Variants in RB1CC1 observed in about 807,000 individuals in gnomAD.
RB1CC1 encodes RB1 inducible coiled-coil 1, also known as RB1-inducible coiled-coil protein 1.
RB1CC1 carries 46 observed loss-of-function variants against 177.5 expected under a neutral mutation model. The ratio of observed to expected loss-of-function variants is 0.26; its 90% CI spans 0.20 to 0.33. The LOEUF is 0.33. Among genes scored for constraint, RB1CC1 ranks in the 10% least tolerant of loss-of-function variants. RB1CC1 has a pLI of 1.00. For missense variants in RB1CC1, 1,703 were observed against 1,816.3 expected (o/e 0.94, Z 1.13); for synonymous variants, 666 against 613.6 (o/e 1.09, Z -1.26).
In RB1CC1 at chr8:52,642,515, C is replaced by T. The variant is rs941384731; in HGVS notation, c.4173G>A (p.Lys1391=). ...AAGGAACAAAACTGCTACTACGCAA[C>T]TTACTGACTTCTTCTTCAAGCTTTT... is the stretch of plus-strand genomic sequence containing the variant. ...EKKKLEEEVS[K]LRSSSFVPSP... The change falls in exon 18 of 24, where the codon AAG becomes AAA. Residue 1391 remains lysine (K), a synonymous_variant. Coordinates refer to ENST00000025008, the MANE Select transcript of RB1CC1 (RefSeq NM_014781.5). 3 of 1,614,054 alleles carry T rather than the reference C, an allele frequency of 1.9e-6. No homozygotes were observed. Among genetic ancestry groups the T allele is most frequent in the Admixed American group, 1.7e-5 (1 of 60,020 alleles).
chr8:52,695,934 G>A (rs1855363322), intron 1 of RB1CC1, among the ~76,000 whole-genome samples: 1 of 152,166 alleles, frequency 6.6e-6, no homozygotes, highest in African/African-American at 2.4e-5. Context: ...TTGAAGTGAG[G>A]GTGGGTTCTG....
chr8:52,704,772 G>A (rs1735206213), intron 1 of RB1CC1, among the ~76,000 whole-genome samples: 1 of 152,068 alleles, frequency 6.6e-6, no homozygotes, highest in Non-Finnish European at 1.5e-5. Context: ...GAAATCAACT[G>A]CTATTCAAGG....
chr8:52,693,481 GATC>G, intron 1 of RB1CC1, among the ~76,000 whole-genome samples: 1 of 152,098 alleles, frequency 6.6e-6, no homozygotes, highest in South Asian at 2.1e-4. Context: ...CAACATCAAA[GATC>G]ATTAGAGAAA....
At chr8:52,676,827 G>A (rs772249034) in intron 5 of RB1CC1, among the ~76,000 whole-genome samples, 3 of 152,148 alleles carry the variant, frequency 2.0e-5, no homozygotes, top group Non-Finnish European at 4.4e-5. Flanking sequence ...AAAAACAAAG[G>A]AGTAGGGCTT....
chr8:52,644,955 T>C (rs1849889416), intron 16 of RB1CC1, among the ~76,000 whole-genome samples: 1 of 152,220 alleles, frequency 6.6e-6, no homozygotes, highest in Admixed American at 6.5e-5. Context: ...CTCTTCCAGC[T>C]GACTGCTTTG....
Position 52,657,319 on chromosome 8 carries a change from A to G in RB1CC1, c.2510T>C (p.Leu837Ser). The G allele has an allele frequency of 6.2e-7, 1 of 1,612,648 alleles. No homozygotes were observed. Among genetic ancestry groups the G allele is most frequent in the Non-Finnish European group, 8.5e-7 (1 of 1,178,776 alleles). Residue 837 changes from leucine to serine, a missense_variant, in exon 15 of 24, where the codon TTA (leucine) becomes TCA (serine). Physicochemically the swap from Leu to Ser is moderately radical, Grantham distance 145. Coordinates refer to ENST00000025008, the MANE Select transcript of RB1CC1 (RefSeq NM_014781.5). ...TCTTATTTCTACTGCTGTACATTTTAATGAATTTGAGAAGTCACACTGTTC... is the reference window on the plus strand; with the variant it reads ...TCTTATTTCTACTGCTGTACATTTTGATGAATTTGAGAAGTCACACTGTTC... ...QKEQCDFSNS[L>S]KCTAVEIRNI...
chr8:52,662,804 A>G (rs905331624), intron 8 of RB1CC1, among the ~76,000 whole-genome samples: 13 of 151,988 alleles, frequency 8.6e-5, no homozygotes, highest in Non-Finnish European at 1.9e-4. Context: ...TTTCCCTTTC[A>G]ATATACTCTT....
At chr8:52,696,938 G>A (rs1239639868) in intron 1 of RB1CC1, among the ~76,000 whole-genome samples, 1 of 152,130 alleles carries the variant, frequency 6.6e-6, no homozygotes, top group East Asian at 1.9e-4. Flanking sequence ...GGGGGATGGA[G>A]GATGCAGTGA....
Position 52,672,949 on chromosome 8 carries a change from T to A in RB1CC1, c.1002+896A>T, listed in dbSNP as rs1852744261. 2.0e-5 allele frequency among the ~76,000 whole-genome samples: 3 copies of A among 152,182 alleles called. No homozygotes were observed. In the South Asian group the frequency reaches 6.2e-4, roughly 32 times the overall value. On this transcript the variant is annotated intron_variant, in intron 7 of 23. Coordinates refer to ENST00000025008, the MANE Select transcript of RB1CC1 (RefSeq NM_014781.5). ...GCAAACATGTCTTAATTGAAAGAAA[T>A]GCTTAGCCTACAGAATGTCATCAAG...
chr8:52,649,221 C>T (rs902770472), intron 15 of RB1CC1, among the ~76,000 whole-genome samples: 6 of 152,158 alleles, frequency 3.9e-5, no homozygotes, highest in African/African-American at 1.4e-4. Context: ...CTAAAAGAAA[C>T]TTGCATAATC....
chr8:52,646,164 C>T (rs1850008162), intron 15 of RB1CC1, among the ~76,000 whole-genome samples: 1 of 152,078 alleles, frequency 6.6e-6, no homozygotes, highest in South Asian at 2.1e-4. Flanking sequence ...CATGGAGTAG[C>T]CATTCTTTTA....
chr8:52,638,717 C>A (rs76361764), intron 18 of RB1CC1, among the ~76,000 whole-genome samples: 2 of 150,794 alleles, frequency 1.3e-5, no homozygotes, highest in South Asian at 4.2e-4. Context: ...TCTGTAAGTT[C>A]AAAAAAAAAT....
At chr8:52,637,280 A>C (rs1290846412) in intron 18 of RB1CC1, among the ~76,000 whole-genome samples, 1 of 152,164 alleles carries the variant, frequency 6.6e-6, no homozygotes. Context: ...TCTTTTGTTA[A>C]ATCTATTCCT....
At chr8:52,624,646 T>C in intron 23 of RB1CC1, 71 bp downstream of exon 23, 1 of 1,236,492 alleles carries the variant, frequency 8.1e-7, no homozygotes, top group South Asian at 1.3e-5. Context: ...GTGGTAATGA[T>C]TTCTATATAA....
Position 52,622,813 on chromosome 8 carries a change from T to G in RB1CC1, c.*969A>C, listed in dbSNP as rs997334912. On this transcript the variant is annotated 3_prime_UTR_variant, in exon 24 of 24. Transcript: ENST00000025008. Reference sequence around the variant, plus strand: ...ACATGTTTCTCTTTGATATGATACATAACAATATTTTCACACTTCCCAGCA... The same window carrying G: ...ACATGTTTCTCTTTGATATGATACAGAACAATATTTTCACACTTCCCAGCA... The G allele has an allele frequency of 3.3e-5, 5 of 152,084 alleles. No individual in the cohort carries two copies. The highest frequency in any genetic ancestry group is 9.7e-5 in the African/African-American group (4 of 41,418). The allele number at this position is 152,084 out of a possible 1,614,324, so 9.4% of individuals were successfully genotyped here. A position where few individuals can be genotyped will look rare whatever the true frequency, so the allele number is the denominator to read the frequency against.
chr8:52,634,388 C>T (rs76225716), intron 20 of RB1CC1, among the ~76,000 whole-genome samples: 4,458 of 151,850 alleles, frequency 0.029, 244 homozygotes, highest in African/African-American at 0.1. Flanking sequence ...CCGGGTGTGA[C>T]GGCGCAGCAC....
chr8:52,659,715 T>C (rs112934579), intron 12 of RB1CC1, among the ~76,000 whole-genome samples: 28 of 152,324 alleles, frequency 1.8e-4, no homozygotes, highest in South Asian at 8.3e-4. Context: ...CAGCTAAGCA[T>C]GGCTGGGCGT....
chr8:52,628,774 A>C (rs923061942), intron 21 of RB1CC1, among the ~76,000 whole-genome samples: 2 of 152,202 alleles, frequency 1.3e-5, no homozygotes, highest in African/African-American at 2.4e-5. Context: ...CTTTTTCAGA[A>C]CTGTTGTTCA....
In RB1CC1 at chr8:52,676,474, T is replaced by C. The variant is rs1249073563; in HGVS notation, c.467A>G (p.Asn156Ser). ...QHQGWAAIMA[N>S]LEDCSNSYQK... ...GTATGAATTTGAACAGTCCTCCAGG[T>C]TGGCCATGATTGCAGCCCAGCCTTG... Residue 156 changes from asparagine to serine, a missense_variant, in exon 6 of 24, where the codon AAC becomes AGC. This residue lies in a region of RB1CC1 where 315 missense variants were observed against 304.9 expected (regional missense o/e 1.03). Coordinates refer to ENST00000025008, the MANE Select transcript of RB1CC1 (RefSeq NM_014781.5). 6.2e-7 allele frequency: 1 copy of C among 1,613,448 alleles called. No individual in the cohort carries two copies. The highest frequency in any genetic ancestry group is 8.5e-7 in the Non-Finnish European group (1 of 1,179,590).
Sources: gnomAD v4.1 joint callset for allele counts (sites outside exome capture counted in the v4.1 genomes callset) on GRCh38, gnomAD v4.1.1 for gene constraint, gnomAD v4.1.1 regional missense constraint, MANE v1.5 for transcripts, NCBI Gene and HGNC (gene_info 2026-07-23, HGNC 2026-07-21) for gene names.